MROH2B: variants seen among roughly 807,000 people sequenced by gnomAD.
MROH2B encodes maestro heat like repeat family member 2B.
In MROH2B, 177 loss-of-function variants were observed where a neutral mutation model predicts 208.6. The observed-to-expected ratio is 0.85, with a 90% confidence interval of 0.75 to 0.96. The LOEUF is 0.96. MROH2B is among the 40% of genes least tolerant of loss of function. The pLI, the probability that MROH2B is intolerant of heterozygous loss-of-function variation, is 0.00. For synonymous variants in MROH2B, 728 were observed against 659.0 expected (o/e 1.10, Z -1.60); for missense variants, 2,002 against 1,878.7 (o/e 1.07, Z -1.21).
chr5:41,023,924 A>G (rs1382074450), intron 24 of MROH2B, among the ~76,000 whole-genome samples: 1 of 152,222 alleles, frequency 6.6e-6, no homozygotes, highest in African/African-American at 2.4e-5. Flanking sequence ...TTTCATATCT[A>G]GCCAAACTAA....
chr5:41,012,328 T>C (rs563223583), intron 30 of MROH2B, among the ~76,000 whole-genome samples: 2 of 152,318 alleles, frequency 1.3e-5, no homozygotes, highest in South Asian at 4.1e-4. Context: ...ATGGCCTCGG[T>C]TCAGAGCTGC....
At position 41,005,425 on chromosome 5, in the gene MROH2B, C is replaced by CCT. The variant is rs58129703; in HGVS notation, c.3864+105_3864+106insAG. On this transcript the variant is annotated intron_variant, in intron 35 of 41. Coordinates refer to ENST00000399564, the MANE Select transcript of MROH2B (RefSeq NM_173489.5). ...TCTCCTCTATGAAACCCCCCCCCCC[C>CCT]TTGAAGTCTCTCTTCCCTGGTTCCA... 5.4e-3 allele frequency: 1,165 copies of CCT among 216,690 alleles called. 90 individuals carry two copies. Among genetic ancestry groups the CCT allele is most frequent in the East Asian group, 0.027 (308 of 11,572 alleles). The allele number at this position is 216,690 out of a possible 1,614,324, so 13.4% of individuals were successfully genotyped here.
chr5:41,004,723 T>C (rs566607869), intron 36 of MROH2B, 51 bp downstream of exon 36: 25 of 1,578,330 alleles, frequency 1.6e-5, no homozygotes, highest in Middle Eastern at 2.0e-4. Context: ...ATTAAATCAT[T>C]ATTTCAAAAC....
chr5:41,038,727 G>A lies in MROH2B; in HGVS notation c.2214+9C>T, dbSNP rs367882668. 167 of 1,597,520 alleles carry A rather than the reference G, an allele frequency of 1.0e-4. No homozygotes were observed. The highest frequency in any genetic ancestry group is 2.0e-4 in the Middle Eastern group (1 of 4,978). Reference sequence around the variant, plus strand: ...CTAGAAATGGAGGCAGCCATGCAACGGGCATTACCTGAGAGCACTGGCCAT... The same window carrying A: ...CTAGAAATGGAGGCAGCCATGCAACAGGCATTACCTGAGAGCACTGGCCAT... On this transcript the variant is annotated intron_variant, in intron 21 of 41. Coordinates refer to ENST00000399564, the MANE Select transcript of MROH2B (RefSeq NM_173489.5).
At chr5:41,041,771 ATTAG>A (rs201162048) in intron 19 of MROH2B, among the ~76,000 whole-genome samples, 5,743 of 152,294 alleles carry the variant, frequency 0.038, 120 homozygotes, top group Middle Eastern at 0.071. Context: ...ATTAGTCTAG[ATTAG>A]TCTATAAGTA....
Position 41,057,135 on chromosome 5 carries a change from T to C in MROH2B, c.893A>G (p.Lys298Arg). 6.2e-7 allele frequency: 1 copy of C among 1,613,998 alleles called. No individual in the cohort carries two copies. The highest frequency in any genetic ancestry group is 8.5e-7 in the Non-Finnish European group (1 of 1,179,870). ...TAGAATGAGAAAACAGCTTGAAGCT[T>C]TCATTTCATTTTCCTTTACTGGAGG... Reference protein sequence around the residue: ...PEPPVKENEMKASSCFLILAH... With the variant: ...PEPPVKENEMRASSCFLILAH... Residue 298 changes from lysine (K) to arginine (R), a missense_variant, in exon 9 of 42, where the codon AAA (lysine) becomes AGA (arginine). Coordinates refer to ENST00000399564, the MANE Select transcript of MROH2B (RefSeq NM_173489.5).
chr5:41,009,172 G>T, intron 32 of MROH2B, 108 bp downstream of exon 32: 1 of 1,429,326 alleles, frequency 7.0e-7, no homozygotes, highest in Non-Finnish European at 9.5e-7. Flanking sequence ...TAGGGTATGA[G>T]AGAAGAAGGA....
At chr5:41,020,627 C>G (rs1742114597) in intron 24 of MROH2B, among the ~76,000 whole-genome samples, 1 of 150,580 alleles carries the variant, frequency 6.6e-6, no homozygotes, top group Non-Finnish European at 1.5e-5. Flanking sequence ...TATCAACTAT[C>G]ATACTTAAAA....
chr5:41,057,276 G>A lies in MROH2B; in HGVS notation c.841C>T (p.Leu281Phe). 9 of 1,602,314 alleles carry A rather than the reference G, an allele frequency of 5.6e-6. No homozygotes were observed. Among genetic ancestry groups the A allele is most frequent in the Non-Finnish European group, 7.7e-6 (9 of 1,173,840 alleles). ...SLRRSIFINL[L>F]QQICRAPEPP... ...CAGCATGGTCTTCTTACCTGCTGGA[G>A]TAAATTGATAAAGATGGATCTTCTC... Residue 281 changes from leucine to phenylalanine, a missense_variant, in exon 8 of 42, where the codon CTC becomes TTC. Coordinates refer to ENST00000399564, the MANE Select transcript of MROH2B (RefSeq NM_173489.5).
At chr5:41,049,032 C>T in intron 15 of MROH2B, 69 bp downstream of exon 15, 6 of 1,446,482 alleles carry the variant, frequency 4.1e-6, no homozygotes, top group Non-Finnish European at 4.7e-6. Flanking sequence ...TATATTAGCA[C>T]TTATTTGGAA....
chr5:41,050,947 A>G (rs1224238817), intron 13 of MROH2B, 30 bp downstream of exon 13: 1 of 1,405,350 alleles, frequency 7.1e-7, no homozygotes, highest in Non-Finnish European at 9.8e-7. Context: ...TGATCAAAGT[A>G]ACTGTAAGTG....
intron 24 of MROH2B, among the ~76,000 whole-genome samples, chr5:41,028,779 C>G (rs1027774680): frequency 6.6e-6 from 1 of 152,070 alleles, no homozygotes; most frequent in Non-Finnish European, 1.5e-5. Flanking sequence ...TATGGTGGTA[C>G]AGATAACTTA....
At chr5:41,038,969 G>T in intron 20 of MROH2B, 81 bp from the exon 21 acceptor site, 1 of 1,296,014 alleles carries the variant, frequency 7.7e-7, no homozygotes, top group Non-Finnish European at 1.1e-6. Context: ...TAATCCTGTG[G>T]ACCACTATAG....
At chr5:41,006,168 G>T (rs1579902478) in intron 34 of MROH2B, among the ~76,000 whole-genome samples, 1 of 152,186 alleles carries the variant, frequency 6.6e-6, no homozygotes, top group Middle Eastern at 3.4e-3. Flanking sequence ...TCAAAAAGCA[G>T]GCTAAGGACA....
intron 19 of MROH2B, among the ~76,000 whole-genome samples, chr5:41,040,814 C>A (rs988926355): frequency 6.6e-6 from 1 of 151,868 alleles, no homozygotes; most frequent in South Asian, 2.1e-4. Flanking sequence ...TACAGGTGTA[C>A]ATCACCACAC....
chr5:41,006,045 A>AG (rs1178549380), intron 34 of MROH2B, among the ~76,000 whole-genome samples: 33 of 151,268 alleles, frequency 2.2e-4, no homozygotes, highest in African/African-American at 7.5e-4. Context: ...AAAAAAAAAA[A>AG]AGAAAAAAGA....
chr5:41,013,382 T>C (rs1741835577), intron 29 of MROH2B, among the ~76,000 whole-genome samples: 1 of 152,176 alleles, frequency 6.6e-6, no homozygotes, highest in Non-Finnish European at 1.5e-5. Context: ...TGTGTATGTC[T>C]GTGTGTGCGC....
At chr5:41,043,898 G>C (rs929071872) in intron 18 of MROH2B, among the ~76,000 whole-genome samples, 2 of 152,068 alleles carry the variant, frequency 1.3e-5, no homozygotes. Flanking sequence ...GGGCTAGCTT[G>C]CTAGAGTATG....
In MROH2B at chr5:41,008,934, A is replaced by C. The variant is rs1021786758; in HGVS notation, c.3421-141T>G. 1.4e-5 allele frequency: 12 copies of C among 870,446 alleles called. No individual in the cohort carries two copies. In the Admixed American group the frequency reaches 3.1e-4, roughly 23 times the overall value. 53.9% of individuals were successfully genotyped at this position (870,446 alleles called of 1,614,324 possible). On this transcript the variant is annotated intron_variant, in intron 32 of 41. Coordinates refer to ENST00000399564, the MANE Select transcript of MROH2B (RefSeq NM_173489.5). ...GGGTTTATTGTCTGGAAATTTCTCA[A>C]CTCAGGGCCTGCCATGTTAGTCCTG...
Sources: gnomAD v4.1 joint callset for allele counts (sites outside exome capture counted in the v4.1 genomes callset) on GRCh38, gnomAD v4.1.1 for gene constraint, MANE v1.5 for transcripts, NCBI Gene and HGNC (gene_info 2026-07-23, HGNC 2026-07-21) for gene names.